The following CTR9 variants were observed in gnomAD, a reference collection of about 807,000 sequenced individuals.
CTR9 encodes the protein CTR9 component of Paf1/RNA polymerase II complex.
A neutral mutation model predicts 152.1 loss-of-function variants in CTR9; 41 were observed. That is an observed-to-expected ratio of 0.27 (90% CI 0.21 to 0.35). The LOEUF is 0.35. Ranked by LOEUF, CTR9 falls within the 10% of genes least tolerant of loss-of-function variation. CTR9 has a pLI of 1.00. For missense variants in CTR9, 917 were observed against 1,424.4 expected, an observed-to-expected ratio of 0.64 and a Z score of 5.73; for synonymous variants, 476 against 496.2, an observed-to-expected ratio of 0.96 and a Z score of 0.54.
intron 4 of CTR9, among the ~76,000 whole-genome samples, chr11:10,756,466 A>G (rs1862886282): frequency 6.6e-6 from 1 of 152,200 alleles, no homozygotes; most frequent in South Asian, 2.1e-4. Context: ...ATGTGTTCTC[A>G]TCATTTAGCT....
chr11:10,763,437 A>G lies in CTR9; in HGVS notation c.856A>G (p.Ser286Gly), dbSNP rs1206860654. The G allele has an allele frequency of 1.2e-6, 2 of 1,608,548 alleles. No homozygotes were observed. Among genetic ancestry groups the G allele is most frequent in the Non-Finnish European group, 1.7e-6 (2 of 1,176,372 alleles). ...CTTTCTGATCTTTGTTCAGGATTAT[A>G]GTAAAGTCCAGCATCTGGCCCTCCA... The part of the protein sequence containing the change: ...ANHFFFKKDY[S>G]KVQHLALHAF... Residue 286 changes from serine (S) to glycine (G), a missense_variant, in exon 8 of 25, where the codon AGT (serine) becomes GGT (glycine). Coordinates refer to ENST00000361367, the MANE Select transcript of CTR9 (RefSeq NM_014633.5).
At position 10,775,626 on chromosome 11, in the gene CTR9, G is replaced by A; in HGVS notation, c.3088G>A (p.Asp1030Asn). 1.9e-6 allele frequency: 3 copies of A among 1,599,884 alleles called. No homozygotes were observed. Among genetic ancestry groups the A allele is most frequent in the Non-Finnish European group, 2.6e-6 (3 of 1,168,672 alleles). The change falls in exon 24 of 25, where the codon GAT becomes AAT. Residue 1030 changes from aspartate (D) to asparagine (N), a missense_variant. Asp to Asn is a conservative substitution (Grantham distance 23). Transcript: ENST00000361367. ...SSDEDKLKIA[D>N]EGHPRNSNSN... ...GGATGAGGATAAACTTAAAATTGCTGATGAAGGGTAGGATATTTTCTCTTT... is the reference window on the plus strand; with the variant it reads ...GGATGAGGATAAACTTAAAATTGCTAATGAAGGGTAGGATATTTTCTCTTT...
At chr11:10,774,990 A>T (rs1484489175) in intron 22 of CTR9, among the ~76,000 whole-genome samples, 1 of 152,222 alleles carries the variant, frequency 6.6e-6, no homozygotes, top group African/African-American at 2.4e-5. Context: ...AGCAGTGACT[A>T]ATCAGCAGAC....
Position 10,752,769 on chromosome 11 carries a change from CG to C in CTR9, c.144+1del. 6.2e-7 allele frequency: 1 copy of C among 1,610,060 alleles called. No homozygotes were observed. Among genetic ancestry groups the C allele is most frequent in the Non-Finnish European group, 8.5e-7 (1 of 1,176,908 alleles). ...HTQLHIWIAL[A>X]LEYYKQGKTE... Reference sequence around the variant, plus strand: ...CAACTGCACATATGGATTGCTTTGGCGGTCAGTATTCATGTAGCAAATATTT... The same window carrying C: ...CAACTGCACATATGGATTGCTTTGGCGTCAGTATTCATGTAGCAAATATTT... On this transcript the variant is annotated frameshift_variant and splice_region_variant, in exon 2 of 25. Coordinates refer to ENST00000361367, the MANE Select transcript of CTR9 (RefSeq NM_014633.5). LOFTEE classifies it high-confidence loss of function.
chr11:10,774,341 T>C (rs373116243), intron 22 of CTR9, 172 bp downstream of exon 22: 2 of 669,012 alleles, frequency 3.0e-6, no homozygotes, highest in Non-Finnish European at 2.4e-6. Context: ...CAAAATCCAC[T>C]GAGTACCTGG....
Position 10,763,800 on chromosome 11 carries a change from C to G in CTR9, c.1115C>G (p.Pro372Arg). 1 of 1,613,838 alleles carries G rather than the reference C, an allele frequency of 6.2e-7. No individual in the cohort carries two copies. The highest frequency in any genetic ancestry group is 8.5e-7 in the Non-Finnish European group (1 of 1,179,960). ...TTTGAGAAGGTTTTGAAAGCTTATC[C>G]TAATAATTACGAAACTATGAAAATT... Reference protein sequence around the residue: ...QCFEKVLKAYPNNYETMKILG... With the variant: ...QCFEKVLKAYRNNYETMKILG... The change falls in exon 9 of 25, where the codon CCT becomes CGT. Residue 372 changes from proline to arginine, a missense_variant. Pro to Arg is a moderately radical substitution (Grantham distance 103). Transcript: ENST00000361367.
intron 24 of CTR9, among the ~76,000 whole-genome samples, chr11:10,776,275 G>A (rs576080765): frequency 2.6e-4 from 40 of 152,190 alleles, no homozygotes; most frequent in African/African-American, 9.4e-4. Context: ...AGTAGAGACG[G>A]GGTTTCTCCG....
chr11:10,769,764 A>G (rs556059263), intron 16 of CTR9, among the ~76,000 whole-genome samples: 46 of 152,360 alleles, frequency 3.0e-4, no homozygotes, highest in Middle Eastern at 3.4e-3. Context: ...TTTACCAAGA[A>G]GTTAACAACC....
At chr11:10,764,801 G>GA (rs768362869) in intron 12 of CTR9, 70 bp downstream of exon 12, 110 of 1,370,078 alleles carry the variant, frequency 8.0e-5, no homozygotes, top group Non-Finnish European at 1.0e-4. Context: ...AATTTAGCCT[G>GA]AAAAAAATTT....
At position 10,768,344 on chromosome 11, in the gene CTR9, A is replaced by G; in HGVS notation, c.1962A>G (p.Gly654=). The G allele has an allele frequency of 6.2e-7, 1 of 1,609,938 alleles. No homozygotes were observed. The highest frequency in any genetic ancestry group is 8.5e-7 in the Non-Finnish European group (1 of 1,178,912). Reference sequence around the variant, plus strand: ...GTGTGAACCTTTTTATATCTTTAGGAGCTGTTTTGGCCCACAAAGGATATT... The same window carrying G: ...GTGTGAACCTTTTTATATCTTTAGGGGCTGTTTTGGCCCACAAAGGATATT... The part of the protein sequence containing the change: ...AKNLYAANGI[G]AVLAHKGYFR... Residue 654 remains glycine (G), a splice_region_variant and synonymous_variant, in exon 16 of 25, where the codon GGA becomes GGG. Transcript: ENST00000361367.
intron 7 of CTR9, among the ~76,000 whole-genome samples, chr11:10,762,770 T>G (rs4910188): frequency 1 from 152,231 of 152,244 alleles, 76,109 homozygotes; most frequent in Non-Finnish European, 1. Flanking sequence ...TTGAGGGGCC[T>G]AGGTGGGAGG....
intron 17 of CTR9, 70 bp from the exon 18 acceptor site, chr11:10,770,417 A>G (rs2135378595): frequency 1.3e-6 from 2 of 1,583,664 alleles, no homozygotes; most frequent in Non-Finnish European, 1.7e-6. Flanking sequence ...CTACTACTTA[A>G]TAATACTCTG....
At chr11:10,759,734 T>C (rs1862946429) in intron 5 of CTR9, among the ~76,000 whole-genome samples, 1 of 152,162 alleles carries the variant, frequency 6.6e-6, no homozygotes, top group Admixed American at 6.5e-5. Flanking sequence ...GGGAACTTGT[T>C]TGTGTTTTGG....
chr11:10,754,215 G>A (rs897567515), intron 2 of CTR9, among the ~76,000 whole-genome samples: 1 of 152,194 alleles, frequency 6.6e-6, no homozygotes, highest in East Asian at 1.9e-4. Flanking sequence ...GCCTAGAGAA[G>A]TTGTTAAACA....
At chr11:10,776,897 G>A (rs1326009269) in intron 24 of CTR9, among the ~76,000 whole-genome samples, 3 of 138,970 alleles carry the variant, frequency 2.2e-5, no homozygotes, top group Non-Finnish European at 3.0e-5. Flanking sequence ...CACTTGAAAC[G>A]AGGAGGCAGA....
intron 15 of CTR9, 42 bp from the exon 16 acceptor site, chr11:10,768,301 C>T (rs1195407144): frequency 1.9e-6 from 3 of 1,586,682 alleles, no homozygotes; most frequent in South Asian, 2.3e-5. Context: ...TTTCTGACTC[C>T]AATTAGAAAA....
intron 6 of CTR9, among the ~76,000 whole-genome samples, chr11:10,760,987 A>G (rs1862967236): frequency 6.6e-6 from 1 of 152,214 alleles, no homozygotes; most frequent in Non-Finnish European, 1.5e-5. Context: ...CCTGTCTTAT[A>G]TTGAGAAGGA....
Position 10,768,480 on chromosome 11 carries a change from G to A in CTR9, c.2098G>A (p.Ala700Thr), listed in dbSNP as rs775811515. ...TGTGGAGCAAAAGCAGTACATCAGC[G>A]CCGTTCAGATGGTAATAGCTTCTCT... ...IYVEQKQYIS[A>T]VQMYENCLRK... The change falls in exon 16 of 25, where the codon GCC becomes ACC. Residue 700 changes from alanine to threonine, a missense_variant. Coordinates refer to ENST00000361367, the MANE Select transcript of CTR9 (RefSeq NM_014633.5). 1.2e-6 allele frequency: 2 copies of A among 1,603,644 alleles called. No individual in the cohort carries two copies. The highest frequency in any genetic ancestry group is 1.7e-6 in the Non-Finnish European group (2 of 1,176,808).
At chr11:10,772,721 TA>T (rs533956415) in intron 20 of CTR9, 66 bp downstream of exon 20, 20,227 of 1,267,548 alleles carry the variant, frequency 0.016, 76 homozygotes, top group Middle Eastern at 0.038. Context: ...TTTGTATGTT[TA>T]AAAAAAAAAG....
Sources: allele counts gnomAD v4.1 joint callset (sites outside exome capture counted in the v4.1 genomes callset), GRCh38; gene constraint gnomAD v4.1.1; transcripts MANE v1.5; gene names NCBI Gene and HGNC (gene_info 2026-07-23, HGNC 2026-07-21).